Variants in ZFP91 observed in about 807,000 individuals in gnomAD.
ZFP91 encodes the protein E3 ubiquitin-protein ligase ZFP91.
A neutral mutation model predicts 63.5 loss-of-function variants in ZFP91; 7 were observed. The observed-to-expected ratio is 0.11, with a 90% CI of 0.06 to 0.21. The LOEUF is 0.21. Ranked by LOEUF, ZFP91 falls within the 10% of genes least tolerant of loss-of-function variation. ZFP91 has a pLI of 1.00. For missense variants in ZFP91, 628 were observed against 736.6 expected (o/e 0.85, Z 1.71); for synonymous variants, 330 against 272.1 (o/e 1.21, Z -2.10).
intron 2 of ZFP91, 60 bp downstream of exon 2, chr11:58,584,944 A>G: frequency 7.7e-7 from 1 of 1,296,954 alleles, no homozygotes. Flanking sequence ...TTAATCTGTT[A>G]GAAAGCCTCA....
chr11:58,595,535 A>G (rs896983527), intron 2 of ZFP91, among the ~76,000 whole-genome samples: 2 of 151,986 alleles, frequency 1.3e-5, no homozygotes, highest in African/African-American at 4.8e-5. Flanking sequence ...GCTATCTAGA[A>G]GAATTAGAAG....
At chr11:58,616,406 G>T (rs917687609) in intron 9 of ZFP91, among the ~76,000 whole-genome samples, 2 of 152,002 alleles carry the variant, frequency 1.3e-5, no homozygotes, top group African/African-American at 4.8e-5. Context: ...TTGTTTACTT[G>T]CTAACCACTT....
At chr11:58,594,043 T>G (rs1379941662) in intron 2 of ZFP91, among the ~76,000 whole-genome samples, 1 of 152,200 alleles carries the variant, frequency 6.6e-6, no homozygotes, top group African/African-American at 2.4e-5. Flanking sequence ...CTCTTGCCCC[T>G]ACCTAGCTCA....
At chr11:58,579,658 C>G (rs781410325) in intron 1 of ZFP91, 36 bp downstream of exon 1, 3 of 1,501,118 alleles carry the variant, frequency 2.0e-6, no homozygotes, top group Admixed American at 2.3e-5. Flanking sequence ...GGAAAGACCC[C>G]CCTCTGTCCG....
chr11:58,611,372 A>C (rs1855659852), intron 5 of ZFP91: 1 of 543,948 alleles, frequency 1.8e-6, no homozygotes, highest in African/African-American at 1.9e-5. Flanking sequence ...AATTATAGTG[A>C]AATTTGATTT....
At chr11:58,612,707 T>A in intron 7 of ZFP91, 55 bp from the exon 8 acceptor site, 2 of 1,396,674 alleles carry the variant, frequency 1.4e-6, no homozygotes, top group Non-Finnish European at 2.0e-6. Context: ...GAGGCCACTG[T>A]GCAGAGTACC....
At chr11:58,586,862 AAACTTTAAAC>A (rs532808177) in intron 2 of ZFP91, among the ~76,000 whole-genome samples, 152 of 152,316 alleles carry the variant, frequency 1.0e-3, no homozygotes, top group African/African-American at 3.6e-3. Context: ...GGGTTTTTCA[AAACTTTAAAC>A]AGGTTTTATT....
At position 58,617,094 on chromosome 11, in the gene ZFP91, G is replaced by GTGTGTGTGTGTGTA. The variant is rs1278942590; in HGVS notation, c.1203-97_1203-96insGTGTGTGTATGTGT. ...ATTGTGTGTGTGTGTGTGTGTGTGT[G>GTGTGTGTGTGTGTA]TGTGTATGTATATATATGCTCTAAA... is the stretch of plus-strand genomic sequence containing the variant. On this transcript the variant is annotated intron_variant, in intron 10 of 10. Transcript: ENST00000316059. The surrounding 1 kb of genome is among the most constrained non-coding windows in gnomAD (Gnocchi z 4.2). 135 of 1,006,770 alleles carry GTGTGTGTGTGTGTA rather than the reference G, an allele frequency of 1.3e-4. No individual in the cohort carries two copies. In the East Asian group the frequency reaches 3.3e-3, roughly 25 times the overall value. 62.4% of individuals were successfully genotyped at this position (1,006,770 alleles called of 1,614,324 possible).
At chr11:58,590,491 A>G (rs1855285874) in intron 2 of ZFP91, among the ~76,000 whole-genome samples, 1 of 152,218 alleles carries the variant, frequency 6.6e-6, no homozygotes, top group Non-Finnish European at 1.5e-5. Context: ...AGTAACTGCA[A>G]GGTGTCTTGA....
At chr11:58,579,718 C>CT in intron 1 of ZFP91, 96 bp downstream of exon 1, 1 of 1,213,308 alleles carries the variant, frequency 8.2e-7, no homozygotes, top group Non-Finnish European at 1.1e-6. Context: ...GACATCCTGC[C>CT]TGGTCTGCCC....
rs367644110 is a variant in ZFP91, at chr11:58,592,749, A to G, written c.370+7865A>G. On this transcript the variant is annotated intron_variant, in intron 2 of 10. Coordinates refer to ENST00000316059, the MANE Select transcript of ZFP91 (RefSeq NM_053023.5). Reference sequence around the variant, plus strand: ...TTGGGAGAGTAGGTTTTAATGATCTATTGCACTGTGTATTAGTCCCTTTTG... The same window carrying G: ...TTGGGAGAGTAGGTTTTAATGATCTGTTGCACTGTGTATTAGTCCCTTTTG... 3.9e-5 allele frequency among the ~76,000 whole-genome samples: 6 copies of G among 152,296 alleles called. No homozygotes were observed. In the East Asian group the frequency reaches 7.7e-4, roughly 20 times the overall value.
chr11:58,611,949 G>C, intron 6 of ZFP91: 1 of 571,568 alleles, frequency 1.7e-6, no homozygotes. Flanking sequence ...ATTGCAAGGA[G>C]AAGGTATTTT....
chr11:58,603,068 T>C (rs535668085), intron 2 of ZFP91, among the ~76,000 whole-genome samples: 6 of 152,106 alleles, frequency 3.9e-5, no homozygotes, highest in Admixed American at 6.5e-5. Context: ...GATGAGGCCT[T>C]AGAAGGAAAT....
At chr11:58,606,964 TA>T (rs1478028739) in intron 2 of ZFP91, among the ~76,000 whole-genome samples, 1 of 152,166 alleles carries the variant, frequency 6.6e-6, no homozygotes, top group Non-Finnish European at 1.5e-5. Flanking sequence ...ACTAGATTTT[TA>T]GGGGACGGGA....
intron 1 of ZFP91, among the ~76,000 whole-genome samples, chr11:58,583,767 A>T (rs961371562): frequency 7.9e-5 from 12 of 152,174 alleles, no homozygotes; most frequent in Non-Finnish European, 1.2e-4. Context: ...AGTCTTTTTT[A>T]AAAAAGTATG....
intron 2 of ZFP91, among the ~76,000 whole-genome samples, chr11:58,601,961 G>A (rs754406316): frequency 6.6e-6 from 1 of 151,594 alleles, no homozygotes; most frequent in Admixed American, 6.6e-5. Context: ...TCGTTCTATC[G>A]CCCAGGCTGG....
At chr11:58,605,617 T>C (rs1855558196) in intron 2 of ZFP91, among the ~76,000 whole-genome samples, 1 of 152,188 alleles carries the variant, frequency 6.6e-6, no homozygotes, top group Non-Finnish European at 1.5e-5. Flanking sequence ...ACTTCCATGG[T>C]TTCTGATGAG....
intron 2 of ZFP91, among the ~76,000 whole-genome samples, chr11:58,592,389 C>T (rs1042973243): frequency 1.3e-4 from 20 of 152,046 alleles, no homozygotes; most frequent in Admixed American, 6.6e-5. Flanking sequence ...GTCCAGTCTG[C>T]ACATCCTTTT....
rs1294352272 is a variant in ZFP91 at position 58,605,069 on chromosome 11, ATCTTC to A, written c.371-4756_371-4752del. The stretch of plus-strand genomic sequence containing the variant: ...TGTTGCAGATATATAGCAGTGTACC[ATCTTC>A]TCTTTTCATTTTCTGTATATTTTTA... On this transcript the variant is annotated intron_variant, in intron 2 of 10. Transcript: ENST00000316059. 5.9e-5 allele frequency among the ~76,000 whole-genome samples: 9 copies of A among 152,098 alleles called. No individual in the cohort carries two copies. In the South Asian group the frequency reaches 6.2e-4, roughly 11 times the overall value.
Sources: allele counts gnomAD v4.1 joint callset (sites outside exome capture counted in the v4.1 genomes callset), GRCh38; gene constraint gnomAD v4.1.1; non-coding constraint Gnocchi (gnomAD v3.1); transcripts MANE v1.5; gene names NCBI Gene and HGNC (gene_info 2026-07-23, HGNC 2026-07-21).